CDH4: variants seen among roughly 807,000 people sequenced by gnomAD.
CDH4 encodes the protein cadherin-4.
In CDH4, 33 loss-of-function variants were observed where a neutral mutation model predicts 86.0. The ratio of observed to expected loss-of-function variants is 0.38; its 90% confidence interval spans 0.29 to 0.51. The LOEUF is 0.51. CDH4 is among the 20% of genes least tolerant of loss of function. The pLI is 0.86. For missense variants in CDH4, 1,114 were observed against 1,307.4 expected (o/e 0.85, Z 2.28); for synonymous variants, 555 against 549.4 (o/e 1.01, Z -0.14).
chr20:61,431,030 CAG>C (rs2085243377), intron 2 of CDH4, among the ~76,000 whole-genome samples: 1 of 152,206 alleles, frequency 6.6e-6, no homozygotes, highest in African/African-American at 2.4e-5. Context: ...AGCCTCGATC[CAG>C]AGACTGTGTT....
chr20:61,295,184 CTT>C (rs1343620468), intron 2 of CDH4, among the ~76,000 whole-genome samples: 2 of 152,166 alleles, frequency 1.3e-5, no homozygotes, highest in Non-Finnish European at 2.9e-5. Context: ...GGGAAGAATA[CTT>C]TGTTTTTAAA....
intron 2 of CDH4, among the ~76,000 whole-genome samples, chr20:61,372,713 A>C (rs2084847319): frequency 6.6e-6 from 1 of 151,052 alleles, no homozygotes; most frequent in Non-Finnish European, 1.5e-5. Flanking sequence ...ACCCCCACCC[A>C]CGTGCCAGCC....
chr20:61,870,371 G>A (rs1230380540), intron 6 of CDH4, among the ~76,000 whole-genome samples: 1 of 152,232 alleles, frequency 6.6e-6, no homozygotes, highest in African/African-American at 2.4e-5. Flanking sequence ...AAGAGGCCAA[G>A]GCCGTCAGAA....
At chr20:61,671,182 C>T (rs140638815) in intron 2 of CDH4, among the ~76,000 whole-genome samples, 1 of 151,198 alleles carries the variant, frequency 6.6e-6, no homozygotes, top group African/African-American at 2.4e-5. Context: ...ATGGATGGAT[C>T]ATTGGATGGA....
chr20:61,535,035 TACAA>T (rs1325408239), intron 2 of CDH4, among the ~76,000 whole-genome samples: 8 of 152,256 alleles, frequency 5.3e-5, no homozygotes, highest in Non-Finnish European at 1.2e-4. Flanking sequence ...TCCTGGTTAA[TACAA>T]ACCTTTGCAG....
chr20:61,327,330 A>G (rs1439849877), intron 2 of CDH4, among the ~76,000 whole-genome samples: 4 of 152,242 alleles, frequency 2.6e-5, no homozygotes, highest in Non-Finnish European at 5.9e-5. Flanking sequence ...TTGATAAATA[A>G]AGAGCTCTTT....
intron 2 of CDH4, among the ~76,000 whole-genome samples, chr20:61,342,528 G>C (rs1401398854): frequency 6.6e-6 from 1 of 152,240 alleles, no homozygotes; most frequent in East Asian, 1.9e-4. Flanking sequence ...CTGATGGGAG[G>C]TGGAGCTCAG....
intron 2 of CDH4, among the ~76,000 whole-genome samples, chr20:61,332,970 A>G (rs1473325316): frequency 1.3e-5 from 2 of 152,176 alleles, no homozygotes; most frequent in African/African-American, 2.4e-5. Flanking sequence ...TTATCCTAAA[A>G]CAAAGCTTCA....
chr20:61,276,826 AT>A (rs981996040), intron 2 of CDH4, among the ~76,000 whole-genome samples: 4 of 152,134 alleles, frequency 2.6e-5, no homozygotes, highest in Admixed American at 6.5e-5. Context: ...CACATTGTTC[AT>A]TGCTGTTATT....
chr20:61,454,994 A>C (rs2085399857), intron 2 of CDH4, among the ~76,000 whole-genome samples: 2 of 152,174 alleles, frequency 1.3e-5, no homozygotes, highest in Admixed American at 1.3e-4. Flanking sequence ...ATACCATAAA[A>C]TTCACCTTTT....
At chr20:61,295,618 G>A (rs1214758172) in intron 2 of CDH4, among the ~76,000 whole-genome samples, 3 of 152,170 alleles carry the variant, frequency 2.0e-5, no homozygotes, top group South Asian at 2.1e-4. Flanking sequence ...GTCATCCTGC[G>A]GTTCATATTT....
At chr20:61,371,502 G>A (rs775025543) in intron 2 of CDH4, among the ~76,000 whole-genome samples, 14 of 152,234 alleles carry the variant, frequency 9.2e-5, no homozygotes, top group Non-Finnish European at 1.6e-4. Context: ...TCAACCAGCC[G>A]TCGTATAGGT....
intron 2 of CDH4, among the ~76,000 whole-genome samples, chr20:61,380,203 A>G (rs1173817908): frequency 6.6e-6 from 1 of 152,244 alleles, no homozygotes; most frequent in Non-Finnish European, 1.5e-5. Context: ...ATTGTAATGA[A>G]TGATTTTAAT....
chr20:61,711,368 C>T lies in CDH4; in HGVS notation c.170-32195C>T, dbSNP rs374162907. Among the ~76,000 whole-genome samples, 14 of 152,318 alleles carry T rather than the reference C, an allele frequency of 9.2e-5. No individual in the cohort carries two copies. In the South Asian group the frequency reaches 1.5e-3, roughly 16 times the overall value. ...CCCAGTCTCAGATATTTCCATATAG[C>T]GATGTGAGAATGGACTAATACAGAA... On this transcript the variant is annotated intron_variant, in intron 2 of 15. Coordinates refer to ENST00000614565, the MANE Select transcript of CDH4 (RefSeq NM_001794.5).
intron 4 of CDH4, among the ~76,000 whole-genome samples, chr20:61,777,093 C>T (rs1227295042): frequency 6.6e-6 from 1 of 152,182 alleles, no homozygotes; most frequent in African/African-American, 2.4e-5. Context: ...TGCTTCAGTT[C>T]GCCATAGTGC....
At chr20:61,343,574 T>C (rs2084660547) in intron 2 of CDH4, among the ~76,000 whole-genome samples, 1 of 152,186 alleles carries the variant, frequency 6.6e-6, no homozygotes, top group Non-Finnish European at 1.5e-5. Context: ...TATAAAACTC[T>C]CAGTGGTTCC....
intron 2 of CDH4, among the ~76,000 whole-genome samples, chr20:61,551,506 C>T (rs1215329315): frequency 6.6e-6 from 1 of 152,230 alleles, no homozygotes; most frequent in Non-Finnish European, 1.5e-5. Flanking sequence ...CTCTTCCCAT[C>T]CCAGGGGCAG....
chr20:61,760,861 C>T (rs1049388011), intron 3 of CDH4, among the ~76,000 whole-genome samples: 4 of 152,192 alleles, frequency 2.6e-5, no homozygotes, highest in Admixed American at 2.6e-4. Flanking sequence ...GAAAAAAATC[C>T]ACTAAGTGCC....
At chr20:61,362,240 G>A (rs2084787347) in intron 2 of CDH4, among the ~76,000 whole-genome samples, 1 of 152,202 alleles carries the variant, frequency 6.6e-6, no homozygotes, top group Non-Finnish European at 1.5e-5. Flanking sequence ...GCATTTGGCT[G>A]TGTGGGCCTT....
Sources: gnomAD v4.1 joint callset for allele counts (sites outside exome capture counted in the v4.1 genomes callset) on GRCh38, gnomAD v4.1.1 for gene constraint, MANE v1.5 for transcripts, NCBI Gene and HGNC (gene_info 2026-07-23, HGNC 2026-07-21) for gene names.